NTM: variants seen among roughly 807,000 people sequenced by gnomAD.
The protein encoded by NTM is neurotrimin, also known as IgLON family member 2.
A neutral mutation model predicts 42.1 loss-of-function variants in NTM; 13 were observed. The observed-to-expected ratio is 0.31, with a 90% CI of 0.20 to 0.49. NTM has a LOEUF of 0.49. Ranked by LOEUF, NTM falls within the 20% of genes least tolerant of loss-of-function variation. The pLI, the probability that NTM is intolerant of heterozygous loss-of-function variation, is 0.99. For synonymous variants in NTM, 187 were observed against 179.2 expected, an observed-to-expected ratio of 1.04 and a Z score of -0.35; for missense variants, 373 against 452.8, an observed-to-expected ratio of 0.82 and a Z score of 1.60.
intron 1 of NTM, among the ~76,000 whole-genome samples, chr11:131,414,999 T>C (rs912597640): frequency 6.6e-6 from 1 of 152,148 alleles, no homozygotes; most frequent in African/African-American, 2.4e-5. Flanking sequence ...GTGTGAACAA[T>C]TGTGATGACG....
chr11:132,330,571 A>C (rs1023407288), intron 8 of NTM, among the ~76,000 whole-genome samples: 7 of 152,028 alleles, frequency 4.6e-5, no homozygotes, highest in African/African-American at 9.7e-5. Flanking sequence ...CATTCTTTCT[A>C]TCTCTCTAAC....
chr11:131,736,932 C>T (rs994264082), intron 1 of NTM, among the ~76,000 whole-genome samples: 17 of 152,168 alleles, frequency 1.1e-4, no homozygotes, highest in Non-Finnish European at 2.5e-4. Flanking sequence ...AACATGCCAT[C>T]CTTAATGGAG....
At chr11:131,628,405 C>A (rs1046191546) in intron 1 of NTM, among the ~76,000 whole-genome samples, 8 of 152,188 alleles carry the variant, frequency 5.3e-5, no homozygotes, top group African/African-American at 1.9e-4. Flanking sequence ...GCTTAATAAA[C>A]ACAGTTATCA....
At chr11:131,711,574 G>C (rs547594908) in intron 1 of NTM, among the ~76,000 whole-genome samples, 51 of 152,228 alleles carry the variant, frequency 3.4e-4, no homozygotes, top group South Asian at 2.9e-3. Flanking sequence ...TCAGTGTGGC[G>C]ATTCCTCAGG....
chr11:131,900,733 G>A (rs1308156975), intron 1 of NTM, among the ~76,000 whole-genome samples: 9 of 152,104 alleles, frequency 5.9e-5, no homozygotes, highest in African/African-American at 2.2e-4. Context: ...AAAGTGACTC[G>A]ATTTCTGATT....
At chr11:131,598,891 C>T (rs1489483546) in intron 1 of NTM, among the ~76,000 whole-genome samples, 470 of 41,954 alleles carry the variant, frequency 0.011, 52 homozygotes, top group African/African-American at 0.024. Flanking sequence ...TTCCTTCCTT[C>T]CTTCCTTCCT....
chr11:131,398,680 T>A (rs1474987293), intron 1 of NTM, among the ~76,000 whole-genome samples: 1 of 152,210 alleles, frequency 6.6e-6, no homozygotes, highest in Non-Finnish European at 1.5e-5. Flanking sequence ...CTTATTCCAC[T>A]GTTATGATTA....
intron 1 of NTM, among the ~76,000 whole-genome samples, chr11:131,705,144 G>A (rs1362269452): frequency 6.6e-6 from 1 of 152,170 alleles, no homozygotes; most frequent in Non-Finnish European, 1.5e-5. Context: ...CCCCAAATAG[G>A]TTAAACAGAA....
intron 1 of NTM, among the ~76,000 whole-genome samples, chr11:131,736,956 G>A (rs928264435): frequency 1.3e-5 from 2 of 152,178 alleles, no homozygotes; most frequent in Non-Finnish European, 2.9e-5. Context: ...GACTATGCAG[G>A]GAGCAATGCC....
intron 2 of NTM, among the ~76,000 whole-genome samples, chr11:131,965,307 G>A (rs143773063): frequency 1.3e-5 from 2 of 152,158 alleles, no homozygotes; most frequent in Non-Finnish European, 2.9e-5. Context: ...TACAGTGGAG[G>A]GAGGTCACCA....
intron 2 of NTM, among the ~76,000 whole-genome samples, chr11:132,133,372 T>C (rs1412709772): frequency 6.6e-6 from 1 of 152,228 alleles, no homozygotes; most frequent in African/African-American, 2.4e-5. Context: ...TGTTTGCCTC[T>C]GCATTGAATT....
At chr11:131,733,322 C>T (rs1380502422) in intron 1 of NTM, among the ~76,000 whole-genome samples, 2 of 152,162 alleles carry the variant, frequency 1.3e-5, no homozygotes, top group Non-Finnish European at 2.9e-5. Flanking sequence ...GATGGATAGT[C>T]CAGTCCTCTC....
At chr11:132,207,834 A>G (rs1489922341) in intron 3 of NTM, among the ~76,000 whole-genome samples, 3 of 152,192 alleles carry the variant, frequency 2.0e-5, no homozygotes, top group Non-Finnish European at 4.4e-5. Flanking sequence ...TGTGGCATCC[A>G]TGTCAAGGTT....
At chr11:131,475,843 A>C (rs1018634910) in intron 1 of NTM, among the ~76,000 whole-genome samples, 11 of 152,322 alleles carry the variant, frequency 7.2e-5, no homozygotes, top group Admixed American at 7.2e-4. Context: ...AGTGAGGAAA[A>C]AATGATGTTA....
At chr11:131,941,866 A>G (rs905109363) in intron 2 of NTM, among the ~76,000 whole-genome samples, 1 of 152,178 alleles carries the variant, frequency 6.6e-6, no homozygotes, top group Non-Finnish European at 1.5e-5. Context: ...GGTGAGGTGT[A>G]GATCCATTCT....
chr11:132,246,006 G>C (rs2139297076), intron 4 of NTM, among the ~76,000 whole-genome samples: 1 of 152,298 alleles, frequency 6.6e-6, no homozygotes, highest in East Asian at 1.9e-4. Context: ...ATAGGGGTTT[G>C]ATGAGAGAGC....
intron 1 of NTM, among the ~76,000 whole-genome samples, chr11:131,776,673 T>C (rs575844141): frequency 1.3e-5 from 2 of 152,266 alleles, no homozygotes; most frequent in Admixed American, 6.5e-5. Flanking sequence ...AATTCCAACA[T>C]TGAATGGCAC....
intron 4 of NTM, among the ~76,000 whole-genome samples, chr11:132,226,411 G>A (rs530784834): frequency 1.6e-4 from 25 of 152,284 alleles, no homozygotes; most frequent in Non-Finnish European, 2.6e-4. Flanking sequence ...TCTGACTGGT[G>A]TGAGGTGGTA....
intron 1 of NTM, among the ~76,000 whole-genome samples, chr11:131,478,028 T>C (rs1029666819): frequency 6.6e-6 from 1 of 152,122 alleles, no homozygotes; most frequent in Non-Finnish European, 1.5e-5. Context: ...TGCTTCCACT[T>C]ATTTCTTCTC....
Sources: gnomAD v4.1 joint callset for allele counts (sites outside exome capture counted in the v4.1 genomes callset) on GRCh38, gnomAD v4.1.1 for gene constraint, MANE v1.5 for transcripts, NCBI Gene and HGNC (gene_info 2026-07-23, HGNC 2026-07-21) for gene names.